PSD3: variants seen among roughly 807,000 people sequenced by gnomAD.
PSD3 encodes pleckstrin and Sec7 domain containing 3, also known as PH and SEC7 domain-containing protein 3.
Under a neutral mutation model 105.5 loss-of-function variants are expected in PSD3, and 49 were observed. That is an observed-to-expected ratio of 0.46 (90% CI 0.37 to 0.59). The LOEUF (loss-of-function observed/expected upper bound fraction) is 0.59. PSD3 is among the 20% of genes least tolerant of loss of function. The probability of loss-of-function intolerance (pLI) is 0.00; values close to 1 mark genes in which losing one functional copy is unlikely to be tolerated. For synonymous variants in PSD3, 557 were observed against 457.8 expected, an observed-to-expected ratio of 1.22 and a Z score of -2.77; for missense variants, 1,561 against 1,263.8, an observed-to-expected ratio of 1.24 and a Z score of -3.57.
In PSD3 at chr8:18,656,663, C is replaced by A. The variant is rs185236244; in HGVS notation, c.2173-978G>T. 1.6e-4 allele frequency among the ~76,000 whole-genome samples: 25 copies of A among 152,288 alleles called. No individual in the cohort carries two copies. The East Asian group carries it at 4.3e-3, about 26-fold the overall frequency. ...GCTACCCTGATTCTCCCAGCTCTAG[C>A]ATTACAAAGGTCCTTGTAGTCAGCT... is the stretch of plus-strand genomic sequence containing the variant. On this transcript the variant is annotated intron_variant, in intron 9 of 15. Transcript: ENST00000327040.
chr8:18,810,338 C>T (rs1335655579), intron 4 of PSD3, among the ~76,000 whole-genome samples: 1 of 152,152 alleles, frequency 6.6e-6, no homozygotes, highest in Non-Finnish European at 1.5e-5. Context: ...CCATGCTATG[C>T]TATCAATAAT....
chr8:18,777,826 G>A (rs1372930472), intron 8 of PSD3, among the ~76,000 whole-genome samples: 2 of 151,974 alleles, frequency 1.3e-5, no homozygotes, highest in African/African-American at 4.8e-5. Context: ...ACAGCCTCTG[G>A]TAAATATCAT....
At chr8:19,058,634 T>C (rs1269312778) in intron 1 of PSD3, among the ~76,000 whole-genome samples, 1 of 152,168 alleles carries the variant, frequency 6.6e-6, no homozygotes, top group Non-Finnish European at 1.5e-5. Context: ...CCAACTTAAA[T>C]TCTACCTGTA....
At chr8:18,905,273 G>C (rs1273517902) in intron 2 of PSD3, among the ~76,000 whole-genome samples, 1 of 152,046 alleles carries the variant, frequency 6.6e-6, no homozygotes, top group African/African-American at 2.4e-5. Context: ...CATAACCTGA[G>C]CTCTCAATGA....
chr8:19,038,526 G>T (rs1469068518), intron 1 of PSD3, among the ~76,000 whole-genome samples: 1 of 152,170 alleles, frequency 6.6e-6, no homozygotes, highest in African/African-American at 2.4e-5. Context: ...CAGTGCAGTA[G>T]TGCAACTTAC....
chr8:18,574,998 A>C (rs1363711801), intron 13 of PSD3, 130 bp downstream of exon 13: 1 of 881,962 alleles, frequency 1.1e-6, no homozygotes, highest in Non-Finnish European at 1.6e-6. Flanking sequence ...TTATTTCTCT[A>C]ATGTAAGCAG....
intron 9 of PSD3, among the ~76,000 whole-genome samples, chr8:18,708,276 G>T (rs535274232): frequency 6.6e-6 from 1 of 152,116 alleles, no homozygotes; most frequent in Non-Finnish European, 1.5e-5. Context: ...AGGGATGAGA[G>T]TAACAGTAAT....
In PSD3 at chr8:18,804,790, A is replaced by G. The variant is rs369543917; in HGVS notation, c.1743T>C (p.Asn581=). 1.2e-6 allele frequency: 2 copies of G among 1,614,044 alleles called. No individual in the cohort carries two copies. The highest frequency in any genetic ancestry group is 2.2e-5 in the East Asian group (1 of 44,872). ...PENLSNGTSS[N]VEAAKRLAKR... ...TGGCCAACCTTTTGGCTGCTTCCAC[A>G]TTGCTGCTGGTACCATTACTGAGAT... Residue 581 remains asparagine (N), a synonymous_variant, in exon 5 of 16, where the codon AAT becomes AAC. Coordinates refer to ENST00000327040, the MANE Select transcript of PSD3 (RefSeq NM_015310.4).
chr8:19,050,919 C>T (rs1165403111), intron 1 of PSD3, among the ~76,000 whole-genome samples: 1 of 152,150 alleles, frequency 6.6e-6, no homozygotes, highest in Admixed American at 6.5e-5. Flanking sequence ...CACATTCTCT[C>T]CCAACTGTCA....
intron 1 of PSD3, among the ~76,000 whole-genome samples, chr8:19,067,017 T>A (rs1829096248): frequency 6.6e-6 from 1 of 152,192 alleles, no homozygotes; most frequent in Admixed American, 6.5e-5. Flanking sequence ...TTATTAGTTA[T>A]AATCACAGGG....
At chr8:18,740,991 G>A (rs919786219) in intron 9 of PSD3, among the ~76,000 whole-genome samples, 1 of 152,142 alleles carries the variant, frequency 6.6e-6, no homozygotes, top group African/African-American at 2.4e-5. Flanking sequence ...AAGTCCTGGT[G>A]CAAAGCCAAA....
chr8:18,802,962 C>T (rs987504586), intron 6 of PSD3, among the ~76,000 whole-genome samples: 1 of 152,096 alleles, frequency 6.6e-6, no homozygotes, highest in Non-Finnish European at 1.5e-5. Context: ...TTTTATTCCA[C>T]TGAAGAGTTA....
intron 2 of PSD3, among the ~76,000 whole-genome samples, chr8:18,881,845 CT>C (rs1818125764): frequency 6.6e-6 from 1 of 152,132 alleles, no homozygotes; most frequent in South Asian, 2.1e-4. Flanking sequence ...ACAATTTTAC[CT>C]AGCAAAATGG....
intron 4 of PSD3, among the ~76,000 whole-genome samples, chr8:18,846,641 T>C (rs1425608469): frequency 6.6e-6 from 1 of 151,998 alleles, no homozygotes; most frequent in Non-Finnish European, 1.5e-5. Flanking sequence ...CTTTCAAACA[T>C]CTTGTGGTAA....
chr8:19,046,259 G>A (rs1410104215), intron 1 of PSD3, among the ~76,000 whole-genome samples: 3 of 151,990 alleles, frequency 2.0e-5, no homozygotes, highest in African/African-American at 4.8e-5. Context: ...CTACAGGCAC[G>A]TGCCACCACA....
chr8:18,607,302 C>A (rs184094450), intron 11 of PSD3, among the ~76,000 whole-genome samples: 1 of 152,134 alleles, frequency 6.6e-6, no homozygotes, highest in African/African-American at 2.4e-5. Flanking sequence ...TCTAATATTA[C>A]TAATAATTAC....
At chr8:18,678,648 T>C (rs1400554890) in intron 9 of PSD3, among the ~76,000 whole-genome samples, 1 of 151,920 alleles carries the variant, frequency 6.6e-6, no homozygotes, top group African/African-American at 2.4e-5. Flanking sequence ...TCCGTCACTA[T>C]TAAAAATACA....
Position 18,795,052 on chromosome 8 carries a change from A to G in PSD3, c.2082+4243T>C, listed in dbSNP as rs184562140. 2.0e-4 allele frequency among the ~76,000 whole-genome samples: 30 copies of G among 152,370 alleles called. 1 individual carries two copies. The East Asian group carries it at 3.7e-3, about 19-fold the overall frequency. On this transcript the variant is annotated intron_variant, in intron 8 of 15. Coordinates refer to ENST00000327040, the MANE Select transcript of PSD3 (RefSeq NM_015310.4). ...AATTAAGTTTATAGATTAGAAAAGA[A>G]ATAATGAATTCTTACAATCTATCTC...
chr8:18,784,905 T>C (rs1403718538), intron 8 of PSD3, among the ~76,000 whole-genome samples: 1 of 152,140 alleles, frequency 6.6e-6, no homozygotes, highest in Non-Finnish European at 1.5e-5. Context: ...TGGTATTAAC[T>C]AAACCTTCAC....
Sources: allele counts gnomAD v4.1 joint callset (sites outside exome capture counted in the v4.1 genomes callset), GRCh38; gene constraint gnomAD v4.1.1; transcripts MANE v1.5; gene names NCBI Gene and HGNC (gene_info 2026-07-23, HGNC 2026-07-21).